Variants in TOPAZ1 observed in about 807,000 individuals in gnomAD.
TOPAZ1 encodes the protein testis and ovary specific TOPAZ 1.
A neutral mutation model predicts 172.2 loss-of-function variants in TOPAZ1; 66 were observed. That is an observed-to-expected ratio of 0.38 (90% CI 0.31 to 0.47). The LOEUF is 0.47. Ranked by LOEUF, TOPAZ1 falls within the 20% of genes least tolerant of loss-of-function variation. The probability of loss-of-function intolerance (pLI) is 0.99; values close to 1 mark genes in which losing one functional copy is unlikely to be tolerated. For missense variants in TOPAZ1, 1,822 were observed against 1,972.4 expected, an observed-to-expected ratio of 0.92 and a Z score of 1.44; for synonymous variants, 681 against 683.9, an observed-to-expected ratio of 1.00 and a Z score of 0.07.
chr3:44,249,885 G>A (rs1206135327), intron 2 of TOPAZ1, among the ~76,000 whole-genome samples: 2 of 152,156 alleles, frequency 1.3e-5, no homozygotes, highest in African/African-American at 4.8e-5. Context: ...TGGAAAGTTA[G>A]GCACAAAAAT....
At chr3:44,335,395 G>A (rs1700712255), downstream of TOPAZ1, among the ~76,000 whole-genome samples, 1 of 152,110 alleles carries the variant, frequency 6.6e-6, no homozygotes, top group South Asian at 2.1e-4. Flanking sequence ...GGAGGCTGAG[G>A]CAGTCAGATC....
rs1699679590 is a variant in TOPAZ1 at position 44,254,973 on chromosome 3, T to C, written c.2771T>C (p.Leu924Pro). The C allele has an allele frequency of 6.4e-7, 1 of 1,550,732 alleles. No homozygotes were observed. Among genetic ancestry groups the C allele is most frequent in the South Asian group, 1.2e-5 (1 of 83,966 alleles). The part of the protein sequence containing the change: ...KKEPSDDLRE[L>P]PVLDCGWIKP... The stretch of plus-strand genomic sequence containing the variant: ...CTCTGTTTGCTTTATAATAGAGAAC[T>C]TCCTGTACTGGACTGTGGATGGATA... Residue 924 changes from leucine to proline, a missense_variant, in exon 3 of 20, where the codon CTT becomes CCT. Around this residue, in one of 2 missense-constraint regions of TOPAZ1, gnomAD observed 1,489 missense variants for 1,490.8 expected, o/e 1.00. Transcript: ENST00000309765.
At chr3:44,305,488 G>A (rs1700326503) in intron 14 of TOPAZ1, among the ~76,000 whole-genome samples, 167 bp downstream of exon 14, 1 of 152,096 alleles carries the variant, frequency 6.6e-6, no homozygotes, top group South Asian at 2.1e-4. Context: ...TCCTGCCTCA[G>A]CCTCCCAAGT....
intron 18 of TOPAZ1, among the ~76,000 whole-genome samples, chr3:44,324,689 T>C (rs1700577830): frequency 6.6e-6 from 1 of 152,172 alleles, no homozygotes; most frequent in Non-Finnish European, 1.5e-5. Flanking sequence ...AAGTCACCCA[T>C]TTAAAGTATA....
intron 3 of TOPAZ1, among the ~76,000 whole-genome samples, 187 bp downstream of exon 3, chr3:44,255,216 C>G (rs1699683174): frequency 1.3e-5 from 2 of 151,966 alleles, no homozygotes; most frequent in African/African-American, 4.8e-5. Context: ...GAGATATTTT[C>G]TGTTTGATTA....
chr3:44,282,291 G>T (rs1396860141), intron 9 of TOPAZ1, among the ~76,000 whole-genome samples: 1 of 152,094 alleles, frequency 6.6e-6, no homozygotes, highest in East Asian at 1.9e-4. Flanking sequence ...TGGAGAAAAT[G>T]GTATTGTTAA....
intron 16 of TOPAZ1, among the ~76,000 whole-genome samples, chr3:44,315,295 G>A (rs1409257659): frequency 6.6e-6 from 1 of 151,846 alleles, no homozygotes; most frequent in Non-Finnish European, 1.5e-5. Context: ...ACTACAGTAC[G>A]AATATAAGCA....
intron 5 of TOPAZ1, among the ~76,000 whole-genome samples, chr3:44,266,429 T>G (rs1429495315): frequency 3.3e-5 from 5 of 152,248 alleles, no homozygotes. Context: ...TCCGTCAACA[T>G]GCCTTCCTCA....
At chr3:44,287,711 A>T in intron 10 of TOPAZ1, 36 bp from the exon 11 acceptor site, 11 of 1,165,852 alleles carry the variant, frequency 9.4e-6, no homozygotes, top group Non-Finnish European at 1.3e-5. Flanking sequence ...CTAAAAGAAG[A>T]TCTGAAAATG....
chr3:44,255,698 CACACACACACACACACACACACAT>C (rs1488620518), intron 3 of TOPAZ1, among the ~76,000 whole-genome samples: 54 of 105,808 alleles, frequency 5.1e-4, no homozygotes, highest in African/African-American at 1.4e-3. Flanking sequence ...CACACACACA[CACACACACACACACACACACACAT>C]ATATATATGG....
intron 12 of TOPAZ1, among the ~76,000 whole-genome samples, chr3:44,298,910 T>TATATATATATA (rs1491140048): frequency 2.5e-3 from 41 of 16,200 alleles, no homozygotes; most frequent in South Asian, 5.3e-3. Flanking sequence ...TATATATATA[T>TATATATATATA]TTTTTTTTTT....
Position 44,302,596 on chromosome 3 carries a change from A to G in TOPAZ1, c.3798-1419A>G, listed in dbSNP as rs551878154. ...TAGTAACTGTAGAAGCTTTAATAGT[A>G]TGTTTTAATTTTTGGTAGGGATAAT... On this transcript the variant is annotated intron_variant, in intron 12 of 19. Transcript: ENST00000309765. Among the ~76,000 whole-genome samples, 4 of 152,254 alleles carry G rather than the reference A, an allele frequency of 2.6e-5. No homozygotes were observed. The South Asian group carries it at 8.3e-4, about 32-fold the overall frequency.
At position 44,323,336 on chromosome 3, in the gene TOPAZ1, T is replaced by C. The variant is rs1177477021; in HGVS notation, c.4675+41T>C. On this transcript the variant is annotated intron_variant, in intron 18 of 19. Coordinates refer to ENST00000309765, the MANE Select transcript of TOPAZ1 (RefSeq NM_001145030.2). ...AATGTTTTAATATATTGGTTTATAATTGTATTCTCTAACCCAGAATTTATA... is the reference window on the plus strand; with the variant it reads ...AATGTTTTAATATATTGGTTTATAACTGTATTCTCTAACCCAGAATTTATA... 3 of 1,271,430 alleles carry C rather than the reference T, an allele frequency of 2.4e-6. No homozygotes were observed. In the East Asian group the frequency reaches 7.7e-5, roughly 33 times the overall value. The allele number at this position is 1,271,430 out of a possible 1,614,324, so 78.8% of individuals were successfully genotyped here.
At chr3:44,275,322 A>T (rs1699941498) in intron 8 of TOPAZ1, among the ~76,000 whole-genome samples, 1 of 152,024 alleles carries the variant, frequency 6.6e-6, no homozygotes, top group South Asian at 2.1e-4. Flanking sequence ...GTATGTTTAT[A>T]CTATTTGACC....
intron 15 of TOPAZ1, among the ~76,000 whole-genome samples, chr3:44,307,771 A>T (rs1035071708): frequency 5.3e-5 from 8 of 152,298 alleles, no homozygotes; most frequent in Non-Finnish European, 1.2e-4. Flanking sequence ...AAAAGAAAAA[A>T]ATTTTTAACC....
At chr3:44,319,587 T>C (rs1438869620) in intron 16 of TOPAZ1, among the ~76,000 whole-genome samples, 1 of 152,222 alleles carries the variant, frequency 6.6e-6, no homozygotes, top group African/African-American at 2.4e-5. Flanking sequence ...TAACAGATGA[T>C]CATACAGTCT....
chr3:44,304,818 C>T (rs1403237861), intron 13 of TOPAZ1, among the ~76,000 whole-genome samples: 1 of 152,166 alleles, frequency 6.6e-6, no homozygotes. Flanking sequence ...AATTATGCTG[C>T]TCATCATGTT....
At chr3:44,336,463 C>T (rs1031860158), downstream of TOPAZ1, among the ~76,000 whole-genome samples, 10 of 152,168 alleles carry the variant, frequency 6.6e-5, no homozygotes, top group African/African-American at 2.4e-4. Flanking sequence ...GTTGTTCAGC[C>T]ACAATCAGAT....
At position 44,256,282 on chromosome 3, in the gene TOPAZ1, C is replaced by T; in HGVS notation, c.2955+4C>T. 6.6e-7 allele frequency: 1 copy of T among 1,508,742 alleles called. No homozygotes were observed. The highest frequency in any genetic ancestry group is 8.8e-7 in the Non-Finnish European group (1 of 1,134,964). 93.5% of individuals were successfully genotyped at this position (1,508,742 alleles called of 1,614,324 possible). On this transcript the variant is annotated splice_donor_region_variant and intron_variant, in intron 4 of 19. Coordinates refer to ENST00000309765, the MANE Select transcript of TOPAZ1 (RefSeq NM_001145030.2). ...AGGTTCAGACTTGGATGAAAAGGTA[C>T]TAGGGGATCTTTTGTGTTTTTTTAT...
Sources: gnomAD v4.1 joint callset for allele counts (sites outside exome capture counted in the v4.1 genomes callset) on GRCh38, gnomAD v4.1.1 for gene constraint, gnomAD v4.1.1 regional missense constraint, MANE v1.5 for transcripts, NCBI Gene and HGNC (gene_info 2026-07-23, HGNC 2026-07-21) for gene names.